Variants in SNTA1 observed in about 807,000 individuals in gnomAD.
SNTA1 encodes alpha-1-syntrophin.
SNTA1 carries 31 observed loss-of-function variants against 47.1 expected under a neutral mutation model. That is an observed-to-expected ratio of 0.66 (90% CI 0.49 to 0.89). The LOEUF (loss-of-function observed/expected upper bound fraction) is 0.89. Ranked by LOEUF, SNTA1 falls within the 40% of genes least tolerant of loss-of-function variation. The probability of loss-of-function intolerance (pLI) is 0.00; values close to 1 mark genes in which losing one functional copy is unlikely to be tolerated. For synonymous variants in SNTA1, 300 were observed against 313.6 expected, an observed-to-expected ratio of 0.96 and a Z score of 0.46; for missense variants, 575 against 693.0, an observed-to-expected ratio of 0.83 and a Z score of 1.91.
At chr20:33,424,104 C>T (rs969137695) in intron 2 of SNTA1, among the ~76,000 whole-genome samples, 7 of 151,844 alleles carry the variant, frequency 4.6e-5, no homozygotes, top group Admixed American at 2.0e-4. Context: ...CACCTGAGGT[C>T]GGGAGTTGGA....
In SNTA1 at chr20:33,408,782, C is replaced by G; in HGVS notation, c.1344G>C (p.Gln448His). ...PGAARAVLLR[Q>H]PFEKLQMSSD... ...AAGACATCTGCAGCTTCTCGAAGGG[C>G]TGTCGCAGGAGCACAGCTCGGGCTG... Residue 448 changes from glutamine (Q) to histidine (H), a missense_variant, in exon 7 of 8, where the codon CAG becomes CAC. By Grantham distance (24) the Gln-to-His change is conservative. Transcript: ENST00000217381. 6.2e-7 allele frequency: 1 copy of G among 1,614,198 alleles called. No individual in the cohort carries two copies. The highest frequency in any genetic ancestry group is 8.5e-7 in the Non-Finnish European group (1 of 1,180,024).
intron 2 of SNTA1, among the ~76,000 whole-genome samples, chr20:33,424,109 G>A (rs1363631044): frequency 6.6e-6 from 1 of 152,018 alleles, no homozygotes; most frequent in East Asian, 1.9e-4. Flanking sequence ...GAGGTCGGGA[G>A]TTGGAGACCA....
chr20:33,436,752 G>A (rs1990448619), intron 2 of SNTA1, among the ~76,000 whole-genome samples: 1 of 151,878 alleles, frequency 6.6e-6, no homozygotes, highest in East Asian at 1.9e-4. Flanking sequence ...CACGAGGTCA[G>A]GAGTTCGAGA....
chr20:33,429,699 G>A (rs1024084019), intron 2 of SNTA1, among the ~76,000 whole-genome samples: 7 of 151,998 alleles, frequency 4.6e-5, no homozygotes, highest in African/African-American at 1.7e-4. Context: ...GGCTAGTCTC[G>A]AACTCCTGGT....
intron 2 of SNTA1, among the ~76,000 whole-genome samples, chr20:33,425,065 G>A (rs1398139298): frequency 1.3e-5 from 2 of 150,888 alleles, no homozygotes; most frequent in Non-Finnish European, 3.0e-5. Context: ...GCAGTGAGCC[G>A]AGATCACGCC....
At chr20:33,429,578 C>T (rs187408406) in intron 2 of SNTA1, among the ~76,000 whole-genome samples, 12 of 151,772 alleles carry the variant, frequency 7.9e-5, no homozygotes, top group East Asian at 3.9e-4. Flanking sequence ...TGCAGTGAGC[C>T]GAGATCATGC....
rs1352197705 is a variant in SNTA1 at position 33,410,153 on chromosome 20, C to T, written c.1219G>A (p.Val407Met). The change falls in exon 6 of 8, where the codon GTG becomes ATG. Residue 407 changes from valine (V) to methionine (M), a missense_variant. By Grantham distance (21) the Val-to-Met change is conservative. Transcript: ENST00000217381. ...AGCACACCTGTAGACACCTCCTGCA[C>T]ACCCTCGGCGGCCCGGTGACAGCCA... is the stretch of plus-strand genomic sequence containing the variant. ...VDGCHRAAEG[V>M]QEVSTACTWN... The T allele has an allele frequency of 1.2e-6, 2 of 1,614,242 alleles. No homozygotes were observed. The highest frequency in any genetic ancestry group is 2.2e-5 in the East Asian group (1 of 44,884).
intron 2 of SNTA1, among the ~76,000 whole-genome samples, chr20:33,424,975 A>T (rs749354853): frequency 5.1e-4 from 77 of 151,974 alleles, no homozygotes; most frequent in Non-Finnish European, 8.5e-4. Context: ...AATTAGCCAG[A>T]AGTGGTGGCA....
At chr20:33,410,939 AGTCCAG>A (rs1989725187) in intron 5 of SNTA1, among the ~76,000 whole-genome samples, 1 of 152,148 alleles carries the variant, frequency 6.6e-6, no homozygotes, top group Non-Finnish European at 1.5e-5. Context: ...TTAGGCAGAC[AGTCCAG>A]GACCTAGTTA....
intron 3 of SNTA1, among the ~76,000 whole-genome samples, chr20:33,414,485 T>C (rs1451001034): frequency 1.3e-5 from 2 of 151,616 alleles, no homozygotes; most frequent in African/African-American, 4.8e-5. Flanking sequence ...TCCCAGCTAC[T>C]TGGGAGGCTG....
chr20:33,441,137 T>C (rs1391644418), intron 1 of SNTA1, among the ~76,000 whole-genome samples: 1 of 152,252 alleles, frequency 6.6e-6, no homozygotes, highest in Non-Finnish European at 1.5e-5. Context: ...AGCACTGTGC[T>C]AAATGCTTTC....
Position 33,412,635 on chromosome 20 carries a change from C to A in SNTA1, c.849G>T (p.Leu283Phe). ...GGCTCCCAGCTGTGCTGGTGGCTGC[C>A]AACAGTGCCTGCAGCTCATCCTTGA... ...PRVKDELQAL[L>F]AATSTAGSQD... Residue 283 changes from leucine (L) to phenylalanine (F), a missense_variant, in exon 4 of 8, where the codon TTG (leucine) becomes TTT (phenylalanine). Physicochemically the swap from Leu to Phe is conservative, Grantham distance 22 (BLOSUM62 0). Coordinates refer to ENST00000217381, the MANE Select transcript of SNTA1 (RefSeq NM_003098.3). 6.2e-7 allele frequency: 1 copy of A among 1,613,958 alleles called. No individual in the cohort carries two copies.
chr20:33,434,921 A>G (rs1050336271), intron 2 of SNTA1, among the ~76,000 whole-genome samples: 2 of 151,542 alleles, frequency 1.3e-5, no homozygotes, highest in Non-Finnish European at 2.9e-5. Flanking sequence ...CTAGAAGGCA[A>G]GGGTCTTACC....
chr20:33,419,311 G>A (rs1246106099), intron 2 of SNTA1, among the ~76,000 whole-genome samples: 2 of 152,140 alleles, frequency 1.3e-5, no homozygotes, highest in Non-Finnish European at 2.9e-5. Context: ...TGAGTGGACA[G>A]CCCAGGAAGG....
rs200777037 is a variant in SNTA1, at chr20:33,412,759, T to C, written c.725A>G (p.Asp242Gly). The change falls in exon 4 of 8, where the codon GAT becomes GGT. Residue 242 changes from aspartate to glycine, a missense_variant. Coordinates refer to ENST00000217381, the MANE Select transcript of SNTA1 (RefSeq NM_003098.3). Reference sequence around the variant, plus strand: ...CCTCAGGAAGAGGGTGTCTTGACCATCTGCCGAGCAGATCTCCAGATACCT... The same window carrying C: ...CCTCAGGAAGAGGGTGTCTTGACCACCTGCCGAGCAGATCTCCAGATACCT... Reference protein sequence around the residue: ...EPRYLEICSADGQDTLFLRAK... With the variant: ...EPRYLEICSAGGQDTLFLRAK... The C allele has an allele frequency of 1.6e-5, 26 of 1,612,226 alleles. No homozygotes were observed. In the East Asian group the frequency reaches 5.6e-4, roughly 35 times the overall value.
At chr20:33,438,797 C>T in intron 2 of SNTA1, 44 bp downstream of exon 2, 2 of 1,520,532 alleles carry the variant, frequency 1.3e-6, no homozygotes, top group Non-Finnish European at 1.8e-6. Context: ...AGCAGTGGAA[C>T]ACCTCCACCC....
chr20:33,410,504 C>T (rs117546124), intron 5 of SNTA1, among the ~76,000 whole-genome samples, 173 bp from the exon 6 acceptor site: 52 of 152,372 alleles, frequency 3.4e-4, no homozygotes, highest in Middle Eastern at 3.4e-3. Flanking sequence ...CTGCCACCCT[C>T]CCCGTCACTC....
Position 33,408,156 on chromosome 20 carries a change from AG to A in SNTA1, c.*350del. 1 of 353,336 alleles carries A rather than the reference AG, an allele frequency of 2.8e-6. No individual in the cohort carries two copies. Among genetic ancestry groups the A allele is most frequent in the South Asian group, 2.7e-5 (1 of 37,504 alleles). 21.9% of individuals were successfully genotyped at this position (353,336 alleles called of 1,614,324 possible). On this transcript the variant is annotated 3_prime_UTR_variant, in exon 8 of 8. Transcript: ENST00000217381. ...CAGATGGGACCTCTGGGGGTGGCTT[AG>A]GGGCCTCGAGGAGGCCCGGCAGCTC...
At chr20:33,408,654 G>T in intron 7 of SNTA1, 47 bp downstream of exon 7, 1 of 1,611,052 alleles carries the variant, frequency 6.2e-7, no homozygotes, top group South Asian at 1.1e-5. Context: ...GCCTCCGAGA[G>T]TGCACACCCC....
Sources: allele counts gnomAD v4.1 joint callset (sites outside exome capture counted in the v4.1 genomes callset), GRCh38; gene constraint gnomAD v4.1.1; transcripts MANE v1.5; gene names NCBI Gene and HGNC (gene_info 2026-07-23, HGNC 2026-07-21).